Variants in DCC observed in about 807,000 individuals in gnomAD.
DCC encodes the protein DCC netrin 1 receptor, also known as netrin receptor DCC.
In DCC, 58 loss-of-function variants were observed where a neutral mutation model predicts 172.5. The observed-to-expected ratio is 0.34, with a 90% CI of 0.27 to 0.42. The LOEUF (loss-of-function observed/expected upper bound fraction) is 0.42. Among genes scored for constraint, DCC ranks in the 10% least tolerant of loss-of-function variants. The pLI, the probability that DCC is intolerant of heterozygous loss-of-function variation, is 1.00. For missense variants in DCC, 1,740 were observed against 1,791.0 expected, an observed-to-expected ratio of 0.97 and a Z score of 0.51; for synonymous variants, 709 against 644.5, an observed-to-expected ratio of 1.10 and a Z score of -1.52.
At chr18:52,539,594 T>C (rs1475576266) in intron 1 of DCC, among the ~76,000 whole-genome samples, 1 of 152,204 alleles carries the variant, frequency 6.6e-6, no homozygotes, top group Non-Finnish European at 1.5e-5. Context: ...TGAGCTGAAG[T>C]GGAACGGTTT....
At chr18:53,124,754 T>C (rs2043530719) in intron 7 of DCC, among the ~76,000 whole-genome samples, 1 of 151,954 alleles carries the variant, frequency 6.6e-6, no homozygotes, top group African/African-American at 2.4e-5. Context: ...TCACCTGAGG[T>C]CAGGAGTTTG....
At chr18:53,179,765 A>G (rs945171447) in intron 9 of DCC, among the ~76,000 whole-genome samples, 3 of 152,138 alleles carry the variant, frequency 2.0e-5, no homozygotes, top group Non-Finnish European at 2.9e-5. Context: ...ATCGAAAACT[A>G]TTTCTGTACT....
At chr18:52,822,822 A>G (rs1400561676) in intron 2 of DCC, among the ~76,000 whole-genome samples, 3 of 152,210 alleles carry the variant, frequency 2.0e-5, no homozygotes, top group Non-Finnish European at 4.4e-5. Flanking sequence ...TTTATCCACA[A>G]GAAGGTTAAT....
chr18:53,103,582 A>G (rs2043204056), intron 7 of DCC, among the ~76,000 whole-genome samples: 1 of 151,992 alleles, frequency 6.6e-6, no homozygotes, highest in Admixed American at 6.6e-5. Flanking sequence ...TATGACTCTC[A>G]ATGAAAATTT....
intron 1 of DCC, among the ~76,000 whole-genome samples, chr18:52,455,600 G>T (rs754916726): frequency 2.9e-4 from 44 of 152,174 alleles, no homozygotes; most frequent in Non-Finnish European, 3.7e-4. Context: ...TCAGGTACAA[G>T]TCAAGACCTT....
intron 2 of DCC, among the ~76,000 whole-genome samples, chr18:52,801,088 C>T (rs1177902641): frequency 6.6e-6 from 1 of 152,180 alleles, no homozygotes; most frequent in East Asian, 1.9e-4. Flanking sequence ...TGTGCAAGGT[C>T]TGTCTCTTGA....
intron 1 of DCC, among the ~76,000 whole-genome samples, chr18:52,581,728 G>A (rs2033555611): frequency 6.6e-6 from 1 of 152,004 alleles, no homozygotes; most frequent in Admixed American, 6.6e-5. Context: ...AGACATGCTG[G>A]TGACTTTCTA....
Position 53,348,711 on chromosome 18 carries a change from C to T in DCC, c.2359+8804C>T, listed in dbSNP as rs7232414. Among the ~76,000 whole-genome samples the T allele has an allele frequency of 8.8e-3, 1,338 of 152,298 alleles. 13 individuals carry two copies. The highest frequency in any genetic ancestry group is 0.015 in the Non-Finnish European group (1,050 of 68,026). On this transcript the variant is annotated intron_variant, in intron 15 of 28. Transcript: ENST00000442544. ...CTGTGCACTGGCAGGCTCAACACTA[C>T]ATGGAAGCTGCCAAGACTTGAGGCT...
intron 2 of DCC, among the ~76,000 whole-genome samples, chr18:52,894,543 A>G (rs1005924341): frequency 1.3e-5 from 2 of 151,786 alleles, no homozygotes; most frequent in African/African-American, 4.8e-5. Flanking sequence ...ATAAATAGAG[A>G]CAGAGAAAGA....
At chr18:52,852,409 T>G (rs1017451580) in intron 2 of DCC, among the ~76,000 whole-genome samples, 19 of 152,172 alleles carry the variant, frequency 1.2e-4, no homozygotes, top group Non-Finnish European at 2.1e-4. Flanking sequence ...TTTAAAAAAC[T>G]GCATTTGCAG....
intron 27 of DCC, among the ~76,000 whole-genome samples, chr18:53,509,080 C>A (rs2046219092): frequency 6.6e-6 from 1 of 152,180 alleles, no homozygotes; most frequent in Admixed American, 6.5e-5. Flanking sequence ...GTGATTAAAG[C>A]TTCTGGAGTT....
chr18:53,175,977 G>A (rs1598876931), intron 8 of DCC, among the ~76,000 whole-genome samples: 2 of 151,786 alleles, frequency 1.3e-5, no homozygotes, highest in Non-Finnish European at 2.9e-5. Context: ...TACCAAAACA[G>A]AGATATAGAT....
intron 5 of DCC, among the ~76,000 whole-genome samples, chr18:53,047,304 A>AATTT (rs1159893077): frequency 3.9e-5 from 1 of 25,352 alleles, no homozygotes; most frequent in African/African-American, 1.7e-4. Context: ...ATATATATAT[A>AATTT]TATAATTTTA....
intron 1 of DCC, among the ~76,000 whole-genome samples, chr18:52,693,210 G>A (rs2035958085): frequency 6.6e-6 from 1 of 151,386 alleles, no homozygotes; most frequent in South Asian, 2.1e-4. Flanking sequence ...TATATATTCA[G>A]AAATAATTGT....
chr18:52,360,589 T>A (rs1984575515), intron 1 of DCC, among the ~76,000 whole-genome samples: 1 of 152,216 alleles, frequency 6.6e-6, no homozygotes, highest in South Asian at 2.1e-4. Flanking sequence ...AGTGTCTCCT[T>A]ACTTGTGCTT....
intron 1 of DCC, among the ~76,000 whole-genome samples, chr18:52,631,724 A>T (rs2034678897): frequency 6.6e-6 from 1 of 152,176 alleles, no homozygotes; most frequent in South Asian, 2.1e-4. Flanking sequence ...TTTTAACTCA[A>T]TGCAAATTAA....
At chr18:52,888,962 A>G (rs144237210) in intron 2 of DCC, among the ~76,000 whole-genome samples, 126 of 152,208 alleles carry the variant, frequency 8.3e-4, no homozygotes, top group African/African-American at 2.9e-3. Context: ...AATATTAATC[A>G]TGCACATAAA....
intron 2 of DCC, among the ~76,000 whole-genome samples, chr18:52,834,161 CCTT>C (rs1196167674): frequency 1.3e-5 from 2 of 151,776 alleles, no homozygotes; most frequent in Non-Finnish European, 2.9e-5. Context: ...TAGCCTCATG[CCTT>C]CTTCTCTTTA....
At chr18:53,324,637 C>T (rs1195643591) in intron 14 of DCC, among the ~76,000 whole-genome samples, 1 of 151,944 alleles carries the variant, frequency 6.6e-6, no homozygotes, top group Non-Finnish European at 1.5e-5. Flanking sequence ...AACAGTCATC[C>T]TGAATAGAGC....
Sources: gnomAD v4.1 joint callset for allele counts (sites outside exome capture counted in the v4.1 genomes callset) on GRCh38, gnomAD v4.1.1 for gene constraint, MANE v1.5 for transcripts, NCBI Gene and HGNC (gene_info 2026-07-23, HGNC 2026-07-21) for gene names.